Variants in COL18A1 observed in about 807,000 individuals in gnomAD.
The protein encoded by COL18A1 is collagen alpha-1(XVIII) chain.
COL18A1 carries 133 observed loss-of-function variants against 168.0 expected under a neutral mutation model. The observed-to-expected ratio is 0.79, with a 90% CI of 0.69 to 0.91. COL18A1 has a LOEUF of 0.91. COL18A1 is among the 40% of genes least tolerant of loss of function. The pLI is 0.00. For missense variants in COL18A1, 2,126 were observed against 1,925.4 expected (o/e 1.10, Z -1.95); for synonymous variants, 949 against 809.0 (o/e 1.17, Z -2.94).
chr21:45,490,383 C>T (rs373528622), intron 20 of COL18A1, 37 bp downstream of exon 20: 117 of 1,495,706 alleles, frequency 7.8e-5, no homozygotes, highest in South Asian at 1.8e-4. Context: ...GCAGGGGGGG[C>T]GTGGAGCCCT....
intron 25 of COL18A1, 57 bp downstream of exon 25, chr21:45,493,282 C>A: frequency 6.5e-7 from 1 of 1,534,890 alleles, no homozygotes; most frequent in Admixed American, 2.0e-5. Flanking sequence ...GTGGCTCCAG[C>A]CTGCCCAGAT....
At chr21:45,508,907 G>T (rs1054010706) in intron 38 of COL18A1, among the ~76,000 whole-genome samples, 1 of 152,146 alleles carries the variant, frequency 6.6e-6, no homozygotes, top group Non-Finnish European at 1.5e-5. Flanking sequence ...GTGGGGAAAG[G>T]TGCAGAATCA....
At position 45,463,896 on chromosome 21, in the gene COL18A1, TA is replaced by T. The variant is rs112016235; in HGVS notation, c.107-4334del. On this transcript the variant is annotated intron_variant, in intron 2 of 41. Coordinates refer to ENST00000651438, the MANE Select transcript of COL18A1 (RefSeq NM_001379500.1). This position sits in a 1 kb window ranked among gnomAD's most constrained non-coding sequence, Gnocchi z 4.0. ...TGGGCAACAAGAGCGAAACTCCATCTAAAAAAAAAAAAGAAAAGGAAAGAAA... is the reference window on the plus strand; with the variant it reads ...TGGGCAACAAGAGCGAAACTCCATCTAAAAAAAAAAAGAAAAGGAAAGAAA... Among the ~76,000 whole-genome samples, 4,623 of 142,710 alleles carry T rather than the reference TA, an allele frequency of 0.032. 226 individuals are homozygous for T. Among genetic ancestry groups the T allele is most frequent in the African/African-American group, 0.11 (4,149 of 39,288 alleles). The allele number at this position is 142,710 out of a possible 152,430, so 93.6% of individuals were successfully genotyped here.
At chr21:45,499,703 G>A (rs1314477695) in intron 32 of COL18A1, among the ~76,000 whole-genome samples, 8 of 152,362 alleles carry the variant, frequency 5.3e-5, no homozygotes, top group African/African-American at 1.9e-4. Context: ...CTGGGGAGTG[G>A]TGGTAGTTCT....
At chr21:45,501,217 C>A (rs1156994771) in intron 32 of COL18A1, among the ~76,000 whole-genome samples, 1 of 151,994 alleles carries the variant, frequency 6.6e-6, no homozygotes, top group African/African-American at 2.4e-5. Context: ...AGTAATTCTA[C>A]ATTTCTATGC....
At chr21:45,408,016 G>C (rs1244568554) in intron 2 of COL18A1, 2 of 152,296 alleles carry the variant, frequency 1.3e-5, no homozygotes, top group African/African-American at 4.8e-5. Flanking sequence ...ACCCACTGGG[G>C]AGTCTTCAGG....
chr21:45,476,291 C>G, intron 5 of COL18A1, 60 bp from the exon 6 acceptor site: 1 of 1,610,700 alleles, frequency 6.2e-7, no homozygotes, highest in Non-Finnish European at 8.5e-7. Context: ...ACAAACCAAG[C>G]AAGTCTCCAC....
intron 2 of COL18A1, among the ~76,000 whole-genome samples, chr21:45,415,188 T>C (rs1364914698): frequency 6.6e-6 from 1 of 152,124 alleles, no homozygotes; most frequent in Non-Finnish European, 1.5e-5. Flanking sequence ...AATAAGGGCC[T>C]CTCACCTGCG....
At chr21:45,462,757 C>T (rs965932206) in intron 2 of COL18A1, among the ~76,000 whole-genome samples, 2 of 152,134 alleles carry the variant, frequency 1.3e-5, no homozygotes, top group Admixed American at 1.3e-4. Context: ...GAGACAGCTT[C>T]TGTTAATTTA....
intron 3 of COL18A1, among the ~76,000 whole-genome samples, chr21:45,469,091 C>G (rs1324217698): frequency 6.6e-6 from 1 of 152,194 alleles, no homozygotes. Context: ...ACCCCGAGGC[C>G]CAGCCCAGGA....
In COL18A1 at chr21:45,504,072, G is replaced by T; in HGVS notation, c.2727+18G>T. ...AAATGAAGGTGGGTGACCTCCCTGT[G>T]GGGTTGGGGGCCCCCAAGGTCCTGT... On this transcript the variant is annotated intron_variant, in intron 33 of 41. Coordinates refer to ENST00000651438, the MANE Select transcript of COL18A1 (RefSeq NM_001379500.1). 1 of 1,613,364 alleles carries T rather than the reference G, an allele frequency of 6.2e-7. No individual in the cohort carries two copies. The highest frequency in any genetic ancestry group is 1.1e-5 in the South Asian group (1 of 91,076).
chr21:45,421,604 T>G (rs1043648159), intron 2 of COL18A1: 2 of 533,730 alleles, frequency 3.7e-6, no homozygotes, highest in South Asian at 2.8e-5. Context: ...GCAGTCCTCT[T>G]CTCTTGCCTG....
intron 2 of COL18A1, among the ~76,000 whole-genome samples, chr21:45,406,186 C>T (rs2033103368): frequency 6.6e-6 from 1 of 152,224 alleles, no homozygotes; most frequent in Non-Finnish European, 1.5e-5. Flanking sequence ...CTGCCTCCAG[C>T]CAGCCCAGCA....
chr21:45,436,094 C>T (rs2034087885), intron 2 of COL18A1, among the ~76,000 whole-genome samples: 1 of 152,244 alleles, frequency 6.6e-6, no homozygotes. Context: ...GCAGCGTTTG[C>T]AGACAGTATC....
chr21:45,429,994 C>T (rs2033909221), intron 2 of COL18A1, among the ~76,000 whole-genome samples: 1 of 149,764 alleles, frequency 6.7e-6, no homozygotes. Context: ...TGTGCTGTGT[C>T]TGTGAAGCGG....
At position 45,511,088 on chromosome 21, in the gene COL18A1, CAT is replaced by C. The variant is rs771690476; in HGVS notation, c.3694-21_3694-20del. ...TCCACACCCCCACACACCACACACA[CAT>C]ACACACGGTTTCTCTTCCAGGACGA... On this transcript the variant is annotated intron_variant, in intron 40 of 41. Transcript: ENST00000651438. The C allele has an allele frequency of 3.4e-4, 358 of 1,045,796 alleles. 5 individuals carry two copies. In the African/African-American group the frequency reaches 6.9e-3, roughly 20 times the overall value. 64.8% of individuals were successfully genotyped at this position (1,045,796 alleles called of 1,614,324 possible).
chr21:45,510,984 ACCCCACACAC>A lies in COL18A1; in HGVS notation c.3694-126_3694-117del. ...ACATACACCCCCAAACACCCCCCAC[ACCCCACACAC>A]ACAACACACCCCCCCCCCACACATC... On this transcript the variant is annotated intron_variant, in intron 40 of 41. Coordinates refer to ENST00000651438, the MANE Select transcript of COL18A1 (RefSeq NM_001379500.1). 27 of 51,082 alleles carry A rather than the reference ACCCCACACAC, an allele frequency of 5.3e-4. 9 individuals are homozygous for A. The highest frequency in any genetic ancestry group is 7.9e-4 in the South Asian group (8 of 10,160). The allele number at this position is 51,082 out of a possible 1,614,324, so 3.2% of individuals were successfully genotyped here.
Position 45,441,387 on chromosome 21 carries a change from T to C in COL18A1, c.107-26855T>C, listed in dbSNP as rs139713022. On this transcript the variant is annotated intron_variant, in intron 2 of 41. Coordinates refer to ENST00000651438, the MANE Select transcript of COL18A1 (RefSeq NM_001379500.1). ...ATGAGGGACAGCACAGATGCCCAGG[T>C]AGAGTTTTCCTGTGTTAAATCATAA... Among the ~76,000 whole-genome samples the C allele has an allele frequency of 3.4e-3, 513 of 152,268 alleles. 3 individuals carry two copies. Among genetic ancestry groups the C allele is most frequent in the African/African-American group, 0.012 (494 of 41,548 alleles).
At position 45,512,435 on chromosome 21, in the gene COL18A1, G is replaced by A. The variant is rs766611897; in HGVS notation, c.*37G>A. On this transcript the variant is annotated 3_prime_UTR_variant, in exon 42 of 42. Transcript: ENST00000651438. ...ATGCGGATGGCCGGAGAGGACCGGC[G>A]GCTCGGAGGAAGCCCCCACCGTGGG... 2.5e-5 allele frequency: 40 copies of A among 1,591,882 alleles called. No homozygotes were observed. Among genetic ancestry groups the A allele is most frequent in the South Asian group, 1.2e-4 (11 of 88,572 alleles).
Sources: allele counts gnomAD v4.1 joint callset (sites outside exome capture counted in the v4.1 genomes callset), GRCh38; gene constraint gnomAD v4.1.1; non-coding constraint Gnocchi (gnomAD v3.1); transcripts MANE v1.5; gene names NCBI Gene and HGNC (gene_info 2026-07-23, HGNC 2026-07-21).